Variants in MLLT10 observed in about 807,000 individuals in gnomAD.
The protein encoded by MLLT10 is MLLT10 histone lysine methyltransferase DOT1L cofactor, also known as protein AF-10.
A neutral mutation model predicts 129.1 loss-of-function variants in MLLT10; 30 were observed. The observed-to-expected ratio is 0.23, with a 90% CI of 0.17 to 0.32. The LOEUF is 0.32. MLLT10 is among the 10% of genes least tolerant of loss of function. MLLT10 has a pLI of 1.00. For synonymous variants in MLLT10, 490 were observed against 446.4 expected, an observed-to-expected ratio of 1.10 and a Z score of -1.23; for missense variants, 1,119 against 1,268.3, an observed-to-expected ratio of 0.88 and a Z score of 1.79.
chr10:21,644,851 C>T (rs755663552), intron 8 of MLLT10, among the ~76,000 whole-genome samples: 10 of 151,992 alleles, frequency 6.6e-5, no homozygotes, highest in Non-Finnish European at 1.3e-4. Context: ...GGCTGATGTC[C>T]AACTCCTGGC....
chr10:21,618,494 T>C (rs1270799), intron 8 of MLLT10, among the ~76,000 whole-genome samples: 36 of 151,920 alleles, frequency 2.4e-4, no homozygotes, highest in African/African-American at 8.2e-4. Context: ...GACGGAGCGA[T>C]ACTCTTGTCT....
chr10:21,699,282 G>A (rs56320526), intron 13 of MLLT10, among the ~76,000 whole-genome samples: 4,253 of 150,636 alleles, frequency 0.028, 80 homozygotes, highest in Middle Eastern at 0.082. Flanking sequence ...GTGTATTCTG[G>A]ATGTTAGTCT....
chr10:21,742,457 TCTC>T lies in MLLT10; in HGVS notation c.*477_*479del, dbSNP rs533658686. On this transcript the variant is annotated 3_prime_UTR_variant, in exon 23 of 23. Transcript: ENST00000307729. ...GTCAAATTCCAAGGAACTAATTTCT[TCTC>T]CTGGAGTTGCATTGATTCAGTATTA... 82 of 217,366 alleles carry T rather than the reference TCTC, an allele frequency of 3.8e-4. No individual in the cohort carries two copies. The highest frequency in any genetic ancestry group is 1.4e-3 in the African/African-American group (63 of 44,676). 13.5% of individuals were successfully genotyped at this position (217,366 alleles called of 1,614,324 possible).
intron 4 of MLLT10, among the ~76,000 whole-genome samples, chr10:21,593,617 G>A (rs2042718293): frequency 6.6e-6 from 1 of 151,776 alleles, no homozygotes; most frequent in African/African-American, 2.4e-5. Flanking sequence ...TTATTGTGCT[G>A]GAAATTATAT....
At chr10:21,606,413 C>T (rs1442845672) in intron 5 of MLLT10, among the ~76,000 whole-genome samples, 2 of 152,216 alleles carry the variant, frequency 1.3e-5, no homozygotes, top group African/African-American at 2.4e-5. Context: ...GCTATGGCTG[C>T]TATACAGAGG....
At chr10:21,653,846 T>C (rs191523304) in intron 9 of MLLT10, among the ~76,000 whole-genome samples, 2 of 152,334 alleles carry the variant, frequency 1.3e-5, no homozygotes, top group Non-Finnish European at 2.9e-5. Context: ...GGGAATTATA[T>C]GCATATGGAG....
intron 2 of MLLT10, among the ~76,000 whole-genome samples, chr10:21,535,638 T>C (rs1421064324): frequency 6.6e-6 from 1 of 152,214 alleles, no homozygotes; most frequent in Non-Finnish European, 1.5e-5. Flanking sequence ...GCCTTTGAAG[T>C]GGCCGACTTT....
At chr10:21,738,354 T>TC in intron 21 of MLLT10, 1 of 1,246,118 alleles carries the variant, frequency 8.0e-7, no homozygotes, top group Non-Finnish European at 1.0e-6. Flanking sequence ...GCACTAAAAC[T>TC]CCATTTATTT....
intron 13 of MLLT10, among the ~76,000 whole-genome samples, chr10:21,700,446 T>C (rs193145319): frequency 6.6e-6 from 1 of 152,292 alleles, no homozygotes; most frequent in Admixed American, 6.5e-5. Context: ...TTGTTTTAGG[T>C]CTTAGAGGAA....
intron 3 of MLLT10, among the ~76,000 whole-genome samples, chr10:21,568,174 T>G (rs1268733940): frequency 1.3e-5 from 2 of 152,178 alleles, no homozygotes; most frequent in Admixed American, 1.3e-4. Context: ...TGTACTCACT[T>G]CTTCCATTCC....
chr10:21,718,573 A>T (rs1191314717), intron 14 of MLLT10, among the ~76,000 whole-genome samples: 1 of 152,202 alleles, frequency 6.6e-6, no homozygotes, highest in Non-Finnish European at 1.5e-5. Context: ...TTTGAAATAC[A>T]ATCTTCATGT....
At chr10:21,566,427 C>T (rs1202703265) in intron 3 of MLLT10, among the ~76,000 whole-genome samples, 1 of 150,318 alleles carries the variant, frequency 6.7e-6, no homozygotes, top group Non-Finnish European at 1.5e-5. Flanking sequence ...CTCCCGGGTT[C>T]AAGTAGTTCT....
intron 13 of MLLT10, among the ~76,000 whole-genome samples, chr10:21,696,266 A>G (rs79881116): frequency 2.8e-4 from 43 of 151,682 alleles, no homozygotes; most frequent in African/African-American, 9.9e-4. Flanking sequence ...TGACCCCTAG[A>G]CATTTCCTTT....
chr10:21,735,009 C>T (rs1197004729), intron 20 of MLLT10, 130 bp from the exon 21 acceptor site: 1 of 651,080 alleles, frequency 1.5e-6, no homozygotes, highest in Non-Finnish European at 2.7e-6. Context: ...TAACTGTTTT[C>T]AGAGTGTTTG....
intron 8 of MLLT10, among the ~76,000 whole-genome samples, chr10:21,647,004 C>T (rs768709371): frequency 2.0e-5 from 3 of 152,030 alleles, no homozygotes; most frequent in Admixed American, 6.6e-5. Context: ...TACAGGCGCC[C>T]GCCACCACGC....
intron 9 of MLLT10, among the ~76,000 whole-genome samples, chr10:21,658,883 G>A (rs985859287): frequency 6.6e-6 from 1 of 152,088 alleles, no homozygotes; most frequent in African/African-American, 2.4e-5. Context: ...AGCTAGGATG[G>A]TCTCAATCTC....
intron 10 of MLLT10, among the ~76,000 whole-genome samples, chr10:21,672,230 C>T (rs1372198560): frequency 7.0e-6 from 1 of 142,402 alleles, no homozygotes; most frequent in Non-Finnish European, 1.5e-5. Context: ...CAGGGCCTTG[C>T]TTTGTTGCCC....
chr10:21,566,704 A>G (rs758144538), intron 3 of MLLT10, among the ~76,000 whole-genome samples: 5 of 142,818 alleles, frequency 3.5e-5, no homozygotes, highest in Non-Finnish European at 7.7e-5. Flanking sequence ...CATTTTTCTT[A>G]TTTTTTTCTT....
intron 6 of MLLT10, 124 bp from the exon 7 acceptor site, chr10:21,614,707 A>T: frequency 1.4e-6 from 1 of 691,880 alleles, no homozygotes; most frequent in Non-Finnish European, 2.3e-6. Context: ...TTATTTTCTC[A>T]TTTTTTTCTT....
Sources: gnomAD v4.1 joint callset for allele counts (sites outside exome capture counted in the v4.1 genomes callset) on GRCh38, gnomAD v4.1.1 for gene constraint, MANE v1.5 for transcripts, NCBI Gene and HGNC (gene_info 2026-07-23, HGNC 2026-07-21) for gene names.